CNTNAP2: variants seen among roughly 807,000 people sequenced by gnomAD.
The protein encoded by CNTNAP2 is contactin-associated protein-like 2.
In CNTNAP2, 98 loss-of-function variants were observed where a neutral mutation model predicts 155.2. The ratio of observed to expected loss-of-function variants is 0.63; its 90% CI spans 0.54 to 0.75. CNTNAP2 has a LOEUF of 0.75. Ranked by LOEUF, CNTNAP2 falls within the 30% of genes least tolerant of loss-of-function variation. The pLI, the probability that CNTNAP2 is intolerant of heterozygous loss-of-function variation, is 0.00. For synonymous variants in CNTNAP2, 651 were observed against 631.2 expected (o/e 1.03, Z -0.47); for missense variants, 1,727 against 1,688.1 (o/e 1.02, Z -0.40).
intron 13 of CNTNAP2, chr7:147,704,330 C>A: frequency 5.9e-6 from 1 of 168,148 alleles, no homozygotes. Flanking sequence ...CAGCCTGCTT[C>A]AAGAAAATCC....
intron 1 of CNTNAP2, among the ~76,000 whole-genome samples, chr7:146,708,789 T>C (rs1219431243): frequency 6.6e-6 from 1 of 151,742 alleles, no homozygotes; most frequent in Non-Finnish European, 1.5e-5. Flanking sequence ...GGTTTTGCCT[T>C]GTTAGCCAGG....
chr7:147,366,885 G>A (rs145214622), intron 9 of CNTNAP2, among the ~76,000 whole-genome samples: 10 of 151,390 alleles, frequency 6.6e-5, no homozygotes, highest in Admixed American at 2.6e-4. Flanking sequence ...TTAGAGACTC[G>A]CAATATAATT....
At chr7:147,627,691 CAAA>C (rs138424007) in intron 12 of CNTNAP2, among the ~76,000 whole-genome samples, 4,648 of 71,276 alleles carry the variant, frequency 0.065, 42 homozygotes, top group Middle Eastern at 0.096. Context: ...GACTCTGTCT[CAAA>C]AAAAAAAAAA....
At chr7:147,992,180 C>G (rs567962494) in intron 15 of CNTNAP2, among the ~76,000 whole-genome samples, 13 of 145,142 alleles carry the variant, frequency 9.0e-5, no homozygotes, top group African/African-American at 3.5e-4. Flanking sequence ...CTGCAACCTC[C>G]GCCTCCTGGG....
intron 13 of CNTNAP2, among the ~76,000 whole-genome samples, chr7:147,658,049 G>A (rs1223019481): frequency 1.7e-5 from 2 of 119,376 alleles, no homozygotes; most frequent in African/African-American, 2.8e-5. Context: ...GAGGTCAGGA[G>A]ATCGAGACCA....
At chr7:146,816,857 G>A (rs1350403613) in intron 2 of CNTNAP2, among the ~76,000 whole-genome samples, 2 of 152,164 alleles carry the variant, frequency 1.3e-5, no homozygotes, top group Non-Finnish European at 2.9e-5. Flanking sequence ...TATAAAACAT[G>A]TGCAATAGCA....
Position 147,064,282 on chromosome 7 carries a change from G to T in CNTNAP2, c.550+20228G>T, listed in dbSNP as rs1379328230. ...CAATGTCAACTTAATTGATATATCA[G>T]AATTCTTATGACAAATAGTTCATAA... On this transcript the variant is annotated intron_variant, in intron 4 of 23. Transcript: ENST00000361727. Among the ~76,000 whole-genome samples the T allele has an allele frequency of 2.0e-5, 3 of 152,106 alleles. 1 individual carries two copies. The East Asian group carries it at 5.8e-4, about 29-fold the overall frequency.
chr7:146,932,463 A>G (rs1243629564), intron 3 of CNTNAP2, among the ~76,000 whole-genome samples: 1 of 152,094 alleles, frequency 6.6e-6, no homozygotes, highest in Non-Finnish European at 1.5e-5. Context: ...ATCTATGACA[A>G]ACCCACAGCC....
At chr7:146,868,922 C>A (rs1562980059) in intron 3 of CNTNAP2, among the ~76,000 whole-genome samples, 1 of 152,114 alleles carries the variant, frequency 6.6e-6, no homozygotes, top group African/African-American at 2.4e-5. Flanking sequence ...TGGTCTGAGA[C>A]TATGTGCTTT....
chr7:147,115,613 A>T (rs1456671910), intron 5 of CNTNAP2, among the ~76,000 whole-genome samples: 1 of 152,028 alleles, frequency 6.6e-6, no homozygotes, highest in Non-Finnish European at 1.5e-5. Context: ...TCTGCCTGCT[A>T]TTAATACTTG....
chr7:147,289,137 G>C (rs1207449495), intron 8 of CNTNAP2, among the ~76,000 whole-genome samples: 1 of 152,076 alleles, frequency 6.6e-6, no homozygotes, highest in Non-Finnish European at 1.5e-5. Flanking sequence ...TATCTCTAGT[G>C]CTAAAATAGT....
chr7:147,325,867 A>G (rs1795444950), intron 9 of CNTNAP2, among the ~76,000 whole-genome samples: 1 of 152,180 alleles, frequency 6.6e-6, no homozygotes, highest in Admixed American at 6.5e-5. Flanking sequence ...CTGCTCATTA[A>G]AAACTAACTC....
intron 1 of CNTNAP2, among the ~76,000 whole-genome samples, chr7:146,695,930 G>A (rs1800774787): frequency 6.6e-6 from 1 of 152,018 alleles, no homozygotes; most frequent in South Asian, 2.1e-4. Context: ...TTTATACATT[G>A]GATTTGATTT....
intron 1 of CNTNAP2, among the ~76,000 whole-genome samples, chr7:146,439,525 T>C (rs1796290560): frequency 6.6e-6 from 1 of 151,514 alleles, no homozygotes; most frequent in South Asian, 2.1e-4. Context: ...AAGTAGATGA[T>C]TTGAAAATTG....
chr7:147,548,159 T>G (rs916524141), intron 11 of CNTNAP2, among the ~76,000 whole-genome samples: 2 of 152,236 alleles, frequency 1.3e-5, no homozygotes, highest in Admixed American at 6.5e-5. Flanking sequence ...TTTCTGGTTC[T>G]AGATCCTTGA....
chr7:146,942,395 T>C (rs1563013621), intron 3 of CNTNAP2, among the ~76,000 whole-genome samples: 1 of 152,060 alleles, frequency 6.6e-6, no homozygotes, highest in Non-Finnish European at 1.5e-5. Context: ...GACATTACAG[T>C]TATTGAAATA....
intron 3 of CNTNAP2, among the ~76,000 whole-genome samples, chr7:146,963,360 C>T (rs925278339): frequency 1.3e-5 from 2 of 152,158 alleles, no homozygotes; most frequent in Non-Finnish European, 2.9e-5. Flanking sequence ...TGCTTAATGC[C>T]ATGAAATTTA....
intron 16 of CNTNAP2, among the ~76,000 whole-genome samples, chr7:148,119,017 T>C (rs1219902430): frequency 1.3e-5 from 2 of 152,168 alleles, no homozygotes; most frequent in Admixed American, 1.3e-4. Context: ...ACCTGGACCC[T>C]TTAAACATCA....
At chr7:146,713,468 A>G (rs1801133636) in intron 1 of CNTNAP2, among the ~76,000 whole-genome samples, 1 of 152,158 alleles carries the variant, frequency 6.6e-6, no homozygotes, top group Non-Finnish European at 1.5e-5. Context: ...AGCTTGGCAG[A>G]GAGTTCGTAA....
Sources: gnomAD v4.1 joint callset for allele counts (sites outside exome capture counted in the v4.1 genomes callset) on GRCh38, gnomAD v4.1.1 for gene constraint, MANE v1.5 for transcripts, NCBI Gene and HGNC (gene_info 2026-07-23, HGNC 2026-07-21) for gene names.